Variants in ANKRD42 observed in about 807,000 individuals in gnomAD.
ANKRD42 encodes ankyrin repeat domain-containing protein 42.
A neutral mutation model predicts 51.5 loss-of-function variants in ANKRD42; 43 were observed. That is an observed-to-expected ratio of 0.83 (90% confidence interval 0.65 to 1.08). The LOEUF (loss-of-function observed/expected upper bound fraction) is 1.08, where lower values mean the gene tolerates loss of function less well. Ranked by LOEUF, ANKRD42 falls within the 50% of genes least tolerant of loss-of-function variation. The pLI is 0.00. For missense variants in ANKRD42, 608 were observed against 629.3 expected (o/e 0.97, Z 0.36); for synonymous variants, 203 against 213.0 (o/e 0.95, Z 0.41).
rs544123956 is a variant in ANKRD42 at position 83,255,807 on chromosome 11, T to A, written c.1465-38T>A. On this transcript the variant is annotated intron_variant, in intron 11 of 11. Transcript: ENST00000260047. Reference sequence around the variant, plus strand: ...AGAAAGACGAAAATGTGTGCTAGCATGAAAATTGTATTTGACCCTCTTTTC... The same window carrying A: ...AGAAAGACGAAAATGTGTGCTAGCAAGAAAATTGTATTTGACCCTCTTTTC... 1.4e-5 allele frequency: 20 copies of A among 1,475,736 alleles called. No homozygotes were observed. The East Asian group carries it at 4.0e-4, about 29-fold the overall frequency. 91.4% of individuals were successfully genotyped at this position (1,475,736 alleles called of 1,614,324 possible).
rs556112317 is a variant in ANKRD42, at chr11:83,241,140, G to T, written c.1195+206G>T. ...ATAAGACATAATCTCTGTCCCTCAG[G>T]GGGTGGAAAGTTATATAAGAAAATA... On this transcript the variant is annotated intron_variant, in intron 9 of 10. Transcript: ENST00000533342. Among the ~76,000 whole-genome samples, 115 of 152,278 alleles carry T rather than the reference G, an allele frequency of 7.6e-4. 2 individuals carry two copies. The highest frequency in any genetic ancestry group is 5.6e-3 in the East Asian group (29 of 5,188).
At chr11:83,254,189 G>T (rs1863723680) in intron 11 of ANKRD42, among the ~76,000 whole-genome samples, 1 of 151,914 alleles carries the variant, frequency 6.6e-6, no homozygotes, top group Non-Finnish European at 1.5e-5. Flanking sequence ...GTCCAGGTTG[G>T]TCTCAAACTC....
chr11:83,206,374 G>T (rs1862075243), intron 3 of ANKRD42, among the ~76,000 whole-genome samples: 2 of 151,924 alleles, frequency 1.3e-5, no homozygotes, highest in East Asian at 1.9e-4. Flanking sequence ...TGATGTAGTT[G>T]GCTGTCTGCG....
chr11:83,248,405 G>A lies in ANKRD42; in HGVS notation c.*201G>A, dbSNP rs1863608564. 1.6e-6 allele frequency: 2 copies of A among 1,274,042 alleles called. No homozygotes were observed. Among genetic ancestry groups the A allele is most frequent in the East Asian group, 3.1e-5 (1 of 32,270 alleles). 78.9% of individuals were successfully genotyped at this position (1,274,042 alleles called of 1,614,324 possible). A position where few individuals can be genotyped will look rare whatever the true frequency, so the allele number is the denominator to read the frequency against. On this transcript the variant is annotated 3_prime_UTR_variant, in exon 11 of 11. Transcript: ENST00000533342. ...CTATCTATCTTCAAACAGCAGCCTA[G>A]TTCATAAGTATTATTGTTAACATTG...
downstream of ANKRD42, chr11:83,260,475 A>G (rs891532446): frequency 6.6e-6 from 1 of 152,218 alleles, no homozygotes; most frequent in East Asian, 1.9e-4. Flanking sequence ...GTAACAGGAT[A>G]ATGTCAAGGT....
intron 5 of ANKRD42, among the ~76,000 whole-genome samples, chr11:83,215,951 T>G (rs1862513486): frequency 6.6e-6 from 1 of 152,070 alleles, no homozygotes; most frequent in African/African-American, 2.4e-5. Flanking sequence ...CCCACCCCCA[T>G]GCCCAGCTAA....
downstream of ANKRD42, among the ~76,000 whole-genome samples, chr11:83,250,397 A>C (rs561531929): frequency 2.6e-5 from 4 of 152,236 alleles, no homozygotes; most frequent in South Asian, 8.3e-4. Flanking sequence ...GTCTGCATCA[A>C]CCCTATGAGG....
chr11:83,196,779 C>T (rs1179410814), intron 1 of ANKRD42, among the ~76,000 whole-genome samples: 1 of 152,022 alleles, frequency 6.6e-6, no homozygotes, highest in African/African-American at 2.4e-5. Flanking sequence ...GTGAATAAAT[C>T]GGGATGGAAT....
chr11:83,233,765 C>T (rs1430320751), intron 7 of ANKRD42, among the ~76,000 whole-genome samples: 1 of 152,202 alleles, frequency 6.6e-6, no homozygotes, highest in Non-Finnish European at 1.5e-5. Flanking sequence ...TCATTACAAC[C>T]TCCACCTTCC....
chr11:83,245,372 C>G (rs1863512185), intron 9 of ANKRD42, 126 bp from the exon 10 acceptor site: 2 of 1,000,540 alleles, frequency 2.0e-6, no homozygotes, highest in African/African-American at 3.3e-5. Flanking sequence ...CAACCTTCCT[C>G]CACCCCCCTC....
intron 10 of ANKRD42, among the ~76,000 whole-genome samples, chr11:83,246,487 C>T (rs1445386356): frequency 6.6e-6 from 1 of 152,270 alleles, no homozygotes; most frequent in East Asian, 1.9e-4. Context: ...GAGGATGCCT[C>T]GAGCTTCTTT....
intron 5 of ANKRD42, chr11:83,214,262 A>G (rs1180062190): frequency 4.8e-6 from 1 of 210,470 alleles, no homozygotes; most frequent in African/African-American, 2.4e-5. Flanking sequence ...TACTTTCCCT[A>G]TTTTGTGATC....
At chr11:83,196,586 G>C (rs1490597396) in intron 1 of ANKRD42, among the ~76,000 whole-genome samples, 1 of 152,172 alleles carries the variant, frequency 6.6e-6, no homozygotes, top group Non-Finnish European at 1.5e-5. Flanking sequence ...CCCTGGCTGA[G>C]TTTGAAGTCA....
downstream of ANKRD42, chr11:83,259,079 G>A (rs181902969): frequency 1.6e-4 from 24 of 152,284 alleles, 1 homozygote; most frequent in East Asian, 4.0e-3. Flanking sequence ...AAAAAGTTTG[G>A]ATTAAGGTCA....
chr11:83,211,156 C>T, intron 4 of ANKRD42, 139 bp from the exon 5 acceptor site: 2 of 1,016,020 alleles, frequency 2.0e-6, no homozygotes, highest in Non-Finnish European at 1.5e-6. Flanking sequence ...TTAGTGGTTG[C>T]AGTACATTTT....
intron 5 of ANKRD42, among the ~76,000 whole-genome samples, chr11:83,216,951 G>A (rs1470209618): frequency 6.6e-6 from 1 of 151,872 alleles, no homozygotes; most frequent in African/African-American, 2.4e-5. Context: ...GCGAAGAAGG[G>A]GCCCTGCAGT....
chr11:83,241,026 C>A, intron 9 of ANKRD42, 92 bp downstream of exon 9: 1 of 1,361,060 alleles, frequency 7.3e-7, no homozygotes, highest in South Asian at 1.4e-5. Context: ...AAGACAAATA[C>A]TGCCTACAAA....
chr11:83,194,818 T>C lies in ANKRD42; in HGVS notation c.58+90T>C, dbSNP rs573333667. 26 of 1,355,846 alleles carry C rather than the reference T, an allele frequency of 1.9e-5. No individual in the cohort carries two copies. In the African/African-American group the frequency reaches 3.8e-4, roughly 20 times the overall value. 84.0% of individuals were successfully genotyped at this position (1,355,846 alleles called of 1,614,324 possible). On this transcript the variant is annotated intron_variant, in intron 1 of 10. Transcript: ENST00000533342. ...GCCTTAGCCCTTTCTGGCATTTCCT[T>C]TTCTCAGCCGTCACTCCCCCCTTTC...
At chr11:83,263,621 G>A (rs754096292), downstream of ANKRD42, among the ~76,000 whole-genome samples, 8 of 152,138 alleles carry the variant, frequency 5.3e-5, no homozygotes, top group Non-Finnish European at 1.0e-4. Context: ...CAGTGTTCTG[G>A]GTCAAAAGGT....
Sources: allele counts gnomAD v4.1 joint callset (sites outside exome capture counted in the v4.1 genomes callset), GRCh38; gene constraint gnomAD v4.1.1; transcripts MANE v1.5; gene names NCBI Gene and HGNC (gene_info 2026-07-23, HGNC 2026-07-21).